FOXP1: variants seen among roughly 807,000 people sequenced by gnomAD.
FOXP1 encodes forkhead box protein P1.
In FOXP1, 15 loss-of-function variants were observed where a neutral mutation model predicts 98.2. The ratio of observed to expected loss-of-function variants is 0.15; its 90% confidence interval spans 0.10 to 0.24. The LOEUF is 0.24. Ranked by LOEUF, FOXP1 falls within the 10% of genes least tolerant of loss-of-function variation. The pLI, the probability that FOXP1 is intolerant of heterozygous loss-of-function variation, is 1.00. For synonymous variants in FOXP1, 371 were observed against 314.5 expected (o/e 1.18, Z -1.90); for missense variants, 633 against 848.5 (o/e 0.75, Z 3.15).
chr3:71,345,260 C>T (rs1429830567), intron 4 of FOXP1, among the ~76,000 whole-genome samples: 7 of 151,884 alleles, frequency 4.6e-5, no homozygotes, highest in African/African-American at 1.7e-4. Context: ...TGGTGGTGCA[C>T]ACCTGTAGTC....
intron 7 of FOXP1, among the ~76,000 whole-genome samples, chr3:71,103,950 T>C (rs1159644416): frequency 1.3e-5 from 2 of 151,636 alleles, no homozygotes; most frequent in East Asian, 1.9e-4. Context: ...ACTTAAGATG[T>C]TCCCCCCCCA....
At chr3:71,190,191 T>A (rs575469295) in intron 6 of FOXP1, among the ~76,000 whole-genome samples, 68 of 152,318 alleles carry the variant, frequency 4.5e-4, no homozygotes, top group African/African-American at 1.5e-3. Context: ...TCCTACTGCC[T>A]CCATAGTTAT....
chr3:71,435,902 AGGGACGGAGGGAGGGAGG>A (rs2085286335), intron 3 of FOXP1, among the ~76,000 whole-genome samples: 3 of 37,478 alleles, frequency 8.0e-5, no homozygotes, highest in African/African-American at 2.2e-4. Context: ...GGAGGGAGGA[AGGGACGGAGGGAGGGAGG>A]AAGGGACGGA....
chr3:71,303,266 T>A (rs2073999725), intron 4 of FOXP1, among the ~76,000 whole-genome samples: 1 of 152,176 alleles, frequency 6.6e-6, no homozygotes, highest in African/African-American at 2.4e-5. Context: ...TTCATCTCAA[T>A]CTTCAGCCTA....
In FOXP1 at chr3:70,972,438, C is replaced by T. The variant is rs995280076; in HGVS notation, c.1652+117G>A. 15 of 1,459,724 alleles carry T rather than the reference C, an allele frequency of 1.0e-5. No individual in the cohort carries two copies. In the Admixed American group the frequency reaches 2.5e-4, roughly 24 times the overall value. The allele number at this position is 1,459,724 out of a possible 1,614,324, so 90.4% of individuals were successfully genotyped here. ...TGAAATGCTTTTTTGCTTCCCTTAA[C>T]TGAGACAACGTGAAACCAGTTCTTT... On this transcript the variant is annotated intron_variant, in intron 18 of 20. Transcript: ENST00000649528.
intron 3 of FOXP1, among the ~76,000 whole-genome samples, chr3:71,461,746 G>A (rs182282276): frequency 1.3e-5 from 2 of 152,000 alleles, no homozygotes; most frequent in Non-Finnish European, 2.9e-5. Flanking sequence ...GGTGCAGTGA[G>A]CCAAGATCGC....
At chr3:71,426,461 G>A (rs1345521488) in intron 3 of FOXP1, among the ~76,000 whole-genome samples, 1 of 152,118 alleles carries the variant, frequency 6.6e-6, no homozygotes, top group Non-Finnish European at 1.5e-5. Flanking sequence ...TCTACAAGAC[G>A]ACCCAAGTGG....
At chr3:71,464,294 GT>G (rs2088470509) in intron 3 of FOXP1, among the ~76,000 whole-genome samples, 2 of 152,138 alleles carry the variant, frequency 1.3e-5, no homozygotes, top group African/African-American at 4.8e-5. Flanking sequence ...GGAAAACAAG[GT>G]AACTGCCTAC....
chr3:71,287,466 C>T (rs145642367), intron 5 of FOXP1, among the ~76,000 whole-genome samples: 218 of 151,724 alleles, frequency 1.4e-3, no homozygotes, highest in East Asian at 3.1e-3. Context: ...GAGCGAGACC[C>T]TGTCTCAAAA....
intron 2 of FOXP1, among the ~76,000 whole-genome samples, chr3:71,520,083 C>A (rs1466114091): frequency 6.6e-6 from 1 of 152,200 alleles, no homozygotes; most frequent in Non-Finnish European, 1.5e-5. Context: ...AAAGAAAGTG[C>A]ATGAGCATAC....
chr3:71,248,887 G>A (rs945248413), intron 5 of FOXP1, among the ~76,000 whole-genome samples: 10 of 152,302 alleles, frequency 6.6e-5, no homozygotes, highest in Admixed American at 6.5e-4. Context: ...TAGGCCTCAG[G>A]CCTGGTGTGG....
intron 6 of FOXP1, among the ~76,000 whole-genome samples, chr3:71,193,384 G>T (rs532528427): frequency 7.9e-6 from 1 of 126,798 alleles, no homozygotes; most frequent in Non-Finnish European, 1.6e-5. Context: ...TCCTGACCTC[G>T]TGATCTGCCC....
rs185498952 is a variant in FOXP1 at position 71,518,231 on chromosome 3, T to A, written c.-297-24676A>T. Among the ~76,000 whole-genome samples, 293 of 152,270 alleles carry A rather than the reference T, an allele frequency of 1.9e-3. 1 individual carries two copies. The highest frequency in any genetic ancestry group is 3.4e-3 in the Middle Eastern group (1 of 294). Reference sequence around the variant, plus strand: ...TACAAACAGCCCCAGCTGGACCAAATGATCTCATCAGATCACCAGCAGCAA... The same window carrying A: ...TACAAACAGCCCCAGCTGGACCAAAAGATCTCATCAGATCACCAGCAGCAA... On this transcript the variant is annotated intron_variant, in intron 2 of 20. Coordinates refer to ENST00000649528, the MANE Select transcript of FOXP1 (RefSeq NM_001349338.3).
intron 5 of FOXP1, among the ~76,000 whole-genome samples, chr3:71,283,825 T>G (rs2071819262): frequency 6.6e-6 from 1 of 152,236 alleles, no homozygotes; most frequent in East Asian, 1.9e-4. Flanking sequence ...AATTATCTGG[T>G]GAATAAAGAA....
intron 6 of FOXP1, among the ~76,000 whole-genome samples, chr3:71,126,651 C>A (rs1036919738): frequency 6.6e-6 from 1 of 151,838 alleles, no homozygotes; most frequent in Non-Finnish European, 1.5e-5. Context: ...TGGCAAAACT[C>A]CGTCTCTACT....
At chr3:70,998,523 G>T (rs2041693145) in intron 13 of FOXP1, among the ~76,000 whole-genome samples, 1 of 152,132 alleles carries the variant, frequency 6.6e-6, no homozygotes, top group Non-Finnish European at 1.5e-5. Context: ...GAACACGTCA[G>T]AATTAGCCTG....
At chr3:71,241,229 A>C (rs2106908618) in intron 5 of FOXP1, among the ~76,000 whole-genome samples, 1 of 141,980 alleles carries the variant, frequency 7.0e-6, no homozygotes. Context: ...AAACAAAACA[A>C]AACAAAAAAA....
chr3:71,106,666 C>T (rs971085483), intron 7 of FOXP1, among the ~76,000 whole-genome samples: 4 of 151,744 alleles, frequency 2.6e-5, no homozygotes, highest in African/African-American at 4.8e-5. Flanking sequence ...TGCTATGTTA[C>T]CCAGACTGGC....
At chr3:71,198,419 GGA>G in intron 5 of FOXP1, 27 bp from the exon 6 acceptor site, 1 of 598,962 alleles carries the variant, frequency 1.7e-6, no homozygotes, top group Non-Finnish European at 3.2e-6. Flanking sequence ...CAAGATGGGG[GGA>G]GGGAGGGGGG....
Sources: allele counts gnomAD v4.1 joint callset (sites outside exome capture counted in the v4.1 genomes callset), GRCh38; gene constraint gnomAD v4.1.1; transcripts MANE v1.5; gene names NCBI Gene and HGNC (gene_info 2026-07-23, HGNC 2026-07-21).